The following LCOR variants were observed in gnomAD, a reference collection of about 807,000 sequenced individuals.
The protein encoded by LCOR is ligand-dependent corepressor.
In LCOR, 14 loss-of-function variants were observed where a neutral mutation model predicts 64.4. That is an observed-to-expected ratio of 0.22 (90% CI 0.14 to 0.34). The LOEUF (loss-of-function observed/expected upper bound fraction) is 0.34. Among genes scored for constraint, LCOR ranks in the 10% least tolerant of loss-of-function variants. The pLI is 1.00. For missense variants in LCOR, 1,686 were observed against 1,765.3 expected, an observed-to-expected ratio of 0.96 and a Z score of 0.80; for synonymous variants, 643 against 642.5, an observed-to-expected ratio of 1.00 and a Z score of -0.01.
Position 96,984,867 on chromosome 10 carries a change from TC to T in LCOR, c.4410del (p.Ser1471ProfsTer21). On this transcript the variant is annotated frameshift_variant, in exon 8 of 8. Coordinates refer to ENST00000421806, the MANE Select transcript of LCOR (RefSeq NM_001346516.2). LOFTEE classifies it high-confidence loss of function. ...PKKSAGKSCP[P>X]SRKEKENTNK... ...AAAAGTCCGCTGGGAAGAGCTGCCCTCCCTCCAGGAAAGAAAAAGAGAATAC... is the reference window on the plus strand; with the variant it reads ...AAAAGTCCGCTGGGAAGAGCTGCCCTCCTCCAGGAAAGAAAAAGAGAATAC... 1 of 1,613,870 alleles carries T rather than the reference TC, an allele frequency of 6.2e-7. No homozygotes were observed. The highest frequency in any genetic ancestry group is 8.5e-7 in the Non-Finnish European group (1 of 1,179,974).
chr10:96,960,266 C>A (rs1847858893), intron 7 of LCOR: 1 of 152,208 alleles, frequency 6.6e-6, no homozygotes, highest in Non-Finnish European at 1.5e-5. Flanking sequence ...GATTCTCTTA[C>A]ATCTCATTGA....
intron 7 of LCOR, chr10:96,960,385 G>C (rs1345869810): frequency 6.6e-6 from 1 of 152,150 alleles, no homozygotes; most frequent in East Asian, 1.9e-4. Flanking sequence ...ATGAGAGATT[G>C]GCATCATTTT....
chr10:96,895,413 C>T lies in LCOR; in HGVS notation c.-329-11852C>T, dbSNP rs571114865. Among the ~76,000 whole-genome samples the T allele has an allele frequency of 2.1e-4, 32 of 152,272 alleles. 1 individual carries two copies. The South Asian group carries it at 5.2e-3, about 25-fold the overall frequency. ...CCTCTATGGGGTCACTACCCTCTACCGCCATTGCTACCCCTATCTCTTGCC... is the reference window on the plus strand; with the variant it reads ...CCTCTATGGGGTCACTACCCTCTACTGCCATTGCTACCCCTATCTCTTGCC... On this transcript the variant is annotated intron_variant, in intron 2 of 7. Transcript: ENST00000421806.
In LCOR at chr10:96,992,110, ATATT is replaced by A. The variant is rs1408167999; in HGVS notation, c.*6980_*6983del. 2 of 152,140 alleles carry A rather than the reference ATATT, an allele frequency of 1.3e-5. No individual in the cohort carries two copies. The highest frequency in any genetic ancestry group is 2.9e-5 in the Non-Finnish European group (2 of 68,012). 9.4% of individuals were successfully genotyped at this position (152,140 alleles called of 1,614,324 possible). ...ACCAACAAGATTTGCATAATTTTTT[ATATT>A]TATACCACAGGTAGGGATTATTTTT... is the stretch of plus-strand genomic sequence containing the variant. On this transcript the variant is annotated 3_prime_UTR_variant, in exon 8 of 8. Coordinates refer to ENST00000421806, the MANE Select transcript of LCOR (RefSeq NM_001346516.2).
intron 2 of LCOR, among the ~76,000 whole-genome samples, chr10:96,835,406 T>A (rs917313863): frequency 2.0e-5 from 3 of 152,212 alleles, no homozygotes; most frequent in Non-Finnish European, 4.4e-5. Context: ...AATATTTTAA[T>A]CTGAGCAGTA....
chr10:96,918,786 A>T (rs949980869), intron 4 of LCOR, among the ~76,000 whole-genome samples: 4 of 152,202 alleles, frequency 2.6e-5, no homozygotes, highest in African/African-American at 9.6e-5. Context: ...AACCGTGGCC[A>T]ACTGACTTTG....
chr10:96,987,064 A>C lies in LCOR; in HGVS notation c.*1930A>C, dbSNP rs1186230149. The C allele has an allele frequency of 6.6e-6, 1 of 152,090 alleles. No individual in the cohort carries two copies. Among genetic ancestry groups the C allele is most frequent in the African/African-American group, 2.4e-5 (1 of 41,398 alleles). 9.4% of individuals were successfully genotyped at this position (152,090 alleles called of 1,614,324 possible). ...TTTTTTTTCATGTCTTCTCTATCTG[A>C]TGAGTCTTTTTCTTTTTAGTATCTT... On this transcript the variant is annotated 3_prime_UTR_variant, in exon 8 of 8. Coordinates refer to ENST00000421806, the MANE Select transcript of LCOR (RefSeq NM_001346516.2).
chr10:96,853,324 C>T (rs1257312025), intron 2 of LCOR, among the ~76,000 whole-genome samples: 1 of 152,058 alleles, frequency 6.6e-6, no homozygotes, highest in Admixed American at 6.6e-5. Flanking sequence ...TGGGGTTACA[C>T]GTGTGAGCCA....
intron 7 of LCOR, among the ~76,000 whole-genome samples, chr10:96,979,797 G>C (rs1467804334): frequency 1.3e-5 from 2 of 152,206 alleles, no homozygotes; most frequent in African/African-American, 4.8e-5. Context: ...AAGGGTAGCA[G>C]GATTCCTGCA....
chr10:96,981,356 C>T lies in LCOR; in HGVS notation c.896C>T (p.Thr299Ile). 1 of 1,613,906 alleles carries T rather than the reference C, an allele frequency of 6.2e-7. No individual in the cohort carries two copies. Among genetic ancestry groups the T allele is most frequent in the Non-Finnish European group, 8.5e-7 (1 of 1,179,974 alleles). ...CAGACCACTGGACAAGAGCAAGACA[C>T]AAATGTGAACATATGTGAGGATGGT... is the stretch of plus-strand genomic sequence containing the variant. ...EGQTTGQEQD[T>I]NVNICEDGKD... Residue 299 changes from threonine to isoleucine, a missense_variant, in exon 8 of 8, where the codon ACA (threonine) becomes ATA (isoleucine). This residue lies in a region of LCOR where 313 missense variants were observed against 247.2 expected (regional missense o/e 1.27). Coordinates refer to ENST00000421806, the MANE Select transcript of LCOR (RefSeq NM_001346516.2).
intron 2 of LCOR, among the ~76,000 whole-genome samples, chr10:96,849,061 C>CTTTTTT (rs67974828): frequency 3.5e-4 from 12 of 33,840 alleles, no homozygotes; most frequent in East Asian, 1.5e-3. Flanking sequence ...GGCTAATTGT[C>CTTTTTT]TTTTTTTTTT....
At chr10:96,964,661 A>C (rs2134548982) in intron 7 of LCOR, among the ~76,000 whole-genome samples, 1 of 152,224 alleles carries the variant, frequency 6.6e-6, no homozygotes, top group Middle Eastern at 3.4e-3. Flanking sequence ...CAGTGTCTTT[A>C]CTAATTTGAT....
intron 2 of LCOR, among the ~76,000 whole-genome samples, chr10:96,891,802 C>T (rs979993103): frequency 1.8e-4 from 28 of 151,980 alleles, no homozygotes; most frequent in Admixed American, 1.8e-3. Flanking sequence ...CTCGGCCTCC[C>T]ATAGTGCTGG....
intron 7 of LCOR, among the ~76,000 whole-genome samples, chr10:96,977,121 A>C (rs1848046164): frequency 6.6e-6 from 1 of 152,242 alleles, no homozygotes; most frequent in Admixed American, 6.5e-5. Context: ...TAAGGAATAA[A>C]GGCTTTTGAG....
At chr10:96,853,348 GT>G (rs1845751566) in intron 2 of LCOR, among the ~76,000 whole-genome samples, 1 of 152,118 alleles carries the variant, frequency 6.6e-6, no homozygotes, top group South Asian at 2.1e-4. Flanking sequence ...CACCCAGCCT[GT>G]TGTCACCTTT....
intron 2 of LCOR, among the ~76,000 whole-genome samples, chr10:96,842,095 C>T (rs1196261001): frequency 6.6e-6 from 1 of 151,916 alleles, no homozygotes; most frequent in Non-Finnish European, 1.5e-5. Context: ...CCTAAACTCA[C>T]AGTATAAAGG....
At chr10:96,882,997 G>C (rs573685135) in intron 2 of LCOR, among the ~76,000 whole-genome samples, 99 of 152,250 alleles carry the variant, frequency 6.5e-4, no homozygotes, top group African/African-American at 2.3e-3. Flanking sequence ...AGTTTTGACA[G>C]TTATAAATAA....
chr10:96,885,946 C>G (rs1243357687), intron 2 of LCOR, among the ~76,000 whole-genome samples: 2 of 152,082 alleles, frequency 1.3e-5, no homozygotes, highest in Admixed American at 1.3e-4. Context: ...GGTGCAATCT[C>G]AGCTCACTGC....
intron 2 of LCOR, among the ~76,000 whole-genome samples, chr10:96,893,310 C>CAAAAACATAACCTCTCTG (rs1846477495): frequency 1.3e-5 from 2 of 152,146 alleles, no homozygotes; most frequent in African/African-American, 4.8e-5. Context: ...GAGGCATTAA[C>CAAAAACATAACCTCTCTG]AAACTGAAAA....
Sources: allele counts gnomAD v4.1 joint callset (sites outside exome capture counted in the v4.1 genomes callset), GRCh38; gene constraint gnomAD v4.1.1; regional missense constraint gnomAD v4.1.1; transcripts MANE v1.5; gene names NCBI Gene and HGNC (gene_info 2026-07-23, HGNC 2026-07-21).